The following CNTN5 variants were observed in gnomAD, a reference collection of about 807,000 sequenced individuals.
The protein encoded by CNTN5 is contactin 5, also known as contactin-5.
Under a neutral mutation model 129.1 loss-of-function variants are expected in CNTN5, and 77 were observed. The ratio of observed to expected loss-of-function variants is 0.60; its 90% CI spans 0.50 to 0.72. The LOEUF is 0.72. Ranked by LOEUF, CNTN5 falls within the 30% of genes least tolerant of loss-of-function variation. The pLI is 0.00. For missense variants in CNTN5, 1,478 were observed against 1,328.8 expected (o/e 1.11, Z -1.75); for synonymous variants, 509 against 465.6 (o/e 1.09, Z -1.20).
intron 1 of CNTN5, among the ~76,000 whole-genome samples, chr11:99,219,505 T>G (rs1860293309): frequency 6.6e-6 from 1 of 151,704 alleles, no homozygotes; most frequent in Admixed American, 6.6e-5. Flanking sequence ...AAGTTAGGAG[T>G]ATTCTTATTC....
intron 3 of CNTN5, among the ~76,000 whole-genome samples, chr11:99,598,711 AG>A (rs1003371868): frequency 2.0e-5 from 3 of 151,874 alleles, no homozygotes; most frequent in Admixed American, 2.0e-4. Flanking sequence ...TGAGGGAAGC[AG>A]GAAAGGGCAT....
At chr11:100,079,288 A>G (rs1246440096) in intron 13 of CNTN5, among the ~76,000 whole-genome samples, 2 of 152,186 alleles carry the variant, frequency 1.3e-5, no homozygotes, top group African/African-American at 2.4e-5. Flanking sequence ...AGTAGTCTGG[A>G]AATGCTTACC....
At chr11:99,971,486 T>G (rs1951251214) in intron 8 of CNTN5, among the ~76,000 whole-genome samples, 1 of 151,780 alleles carries the variant, frequency 6.6e-6, no homozygotes. Flanking sequence ...GAGGTTGCAG[T>G]GAGCTGAGAT....
intron 3 of CNTN5, among the ~76,000 whole-genome samples, chr11:99,675,685 C>T (rs568967933): frequency 8.9e-4 from 135 of 151,558 alleles, no homozygotes; most frequent in Non-Finnish European, 1.5e-3. Context: ...AACTCTGTCT[C>T]AAATAAAAAA....
At position 100,074,232 on chromosome 11, in the gene CNTN5, A is replaced by G; in HGVS notation, c.1518A>G (p.Gln506=). 6.2e-7 allele frequency: 1 copy of G among 1,611,564 alleles called. No homozygotes were observed. The highest frequency in any genetic ancestry group is 8.5e-7 in the Non-Finnish European group (1 of 1,178,608). ...AAGTTGTCATAGAGTGCAAACCCCA[A>G]GGCTCTCCAAAACCAACCATCTCTT... ...DQEVVIECKP[Q]GSPKPTISWK... is the part of the protein sequence containing the mutation. Residue 506 remains glutamine, a synonymous_variant, in exon 13 of 25, where the codon CAA becomes CAG. Coordinates refer to ENST00000524871, the MANE Select transcript of CNTN5 (RefSeq NM_014361.4).
At chr11:100,001,154 G>C (rs1442091169) in intron 8 of CNTN5, among the ~76,000 whole-genome samples, 1 of 152,154 alleles carries the variant, frequency 6.6e-6, no homozygotes, top group East Asian at 1.9e-4. Flanking sequence ...CAGAAAATGG[G>C]GTTTTTCTTT....
intron 3 of CNTN5, among the ~76,000 whole-genome samples, chr11:99,659,522 A>G (rs1952518739): frequency 6.6e-6 from 1 of 152,168 alleles, no homozygotes; most frequent in Non-Finnish European, 1.5e-5. Flanking sequence ...ATGTATATAG[A>G]CAGATTTATT....
intron 21 of CNTN5, among the ~76,000 whole-genome samples, chr11:100,340,040 A>C (rs566196634): frequency 6.6e-6 from 1 of 152,178 alleles, no homozygotes; most frequent in African/African-American, 2.4e-5. Context: ...ATTCATCTTT[A>C]TGTGAAGCTC....
chr11:99,901,818 A>G (rs1230224487), intron 6 of CNTN5, among the ~76,000 whole-genome samples: 1 of 152,218 alleles, frequency 6.6e-6, no homozygotes, highest in Non-Finnish European at 1.5e-5. Context: ...TGCTGGATAC[A>G]AGGATACATA....
intron 1 of CNTN5, among the ~76,000 whole-genome samples, chr11:99,216,345 T>C (rs4362106): frequency 0.75 from 113,969 of 151,846 alleles, 43,084 homozygotes; most frequent in East Asian, 0.99. Context: ...TTTTTTAGGG[T>C]AGAATAACAT....
intron 2 of CNTN5, among the ~76,000 whole-genome samples, chr11:99,442,531 A>G (rs776975792): frequency 7.2e-5 from 11 of 152,144 alleles, no homozygotes; most frequent in Non-Finnish European, 1.6e-4. Flanking sequence ...TGTGGAAATT[A>G]TGGGGACAGA....
intron 1 of CNTN5, among the ~76,000 whole-genome samples, chr11:99,253,374 A>T (rs1028045451): frequency 3.3e-5 from 5 of 152,102 alleles, no homozygotes; most frequent in Non-Finnish European, 2.9e-5. Flanking sequence ...TATTAGCAGC[A>T]TGGGAACAGA....
intron 3 of CNTN5, among the ~76,000 whole-genome samples, chr11:99,739,629 A>T (rs998055491): frequency 6.6e-6 from 1 of 152,112 alleles, no homozygotes; most frequent in Non-Finnish European, 1.5e-5. Flanking sequence ...GAGATGGGAG[A>T]AAAAACTAAA....
At chr11:99,794,743 A>T (rs1375996160) in intron 3 of CNTN5, among the ~76,000 whole-genome samples, 7 of 152,222 alleles carry the variant, frequency 4.6e-5, no homozygotes, top group African/African-American at 1.4e-4. Context: ...CATGCTGAAT[A>T]TAGGCTCCCT....
Position 99,926,487 on chromosome 11 carries a change from A to G in CNTN5, c.673+10338A>G, listed in dbSNP as rs542446386. Reference sequence around the variant, plus strand: ...AAAATTTCACAGAGGTAAAAACAAAATATTTTTGATGGTAGTTTTATTTAA... The same window carrying G: ...AAAATTTCACAGAGGTAAAAACAAAGTATTTTTGATGGTAGTTTTATTTAA... On this transcript the variant is annotated intron_variant, in intron 7 of 24. Coordinates refer to ENST00000524871, the MANE Select transcript of CNTN5 (RefSeq NM_014361.4). Among the ~76,000 whole-genome samples the G allele has an allele frequency of 4.1e-4, 63 of 152,242 alleles. 1 individual carries two copies. Among genetic ancestry groups the G allele is most frequent in the South Asian group, 4.1e-4 (2 of 4,828 alleles).
At chr11:99,722,207 A>T (rs1943195822) in intron 3 of CNTN5, among the ~76,000 whole-genome samples, 1 of 152,214 alleles carries the variant, frequency 6.6e-6, no homozygotes, top group Non-Finnish European at 1.5e-5. Flanking sequence ...TATTATTGAA[A>T]GTAGCAAAGA....
rs528615111 is a variant in CNTN5 at position 99,708,264 on chromosome 11, A to T, written c.56-111280A>T. On this transcript the variant is annotated intron_variant, in intron 3 of 24. Transcript: ENST00000524871. ...TTAAATTTTCAGACCTTTTAAGAAA[A>T]TAGATGTTAATGCTTTCTGTTGAGT... is the stretch of plus-strand genomic sequence containing the variant. Among the ~76,000 whole-genome samples, 25 of 151,900 alleles carry T rather than the reference A, an allele frequency of 1.6e-4. No homozygotes were observed. In the South Asian group the frequency reaches 5.2e-3, roughly 31 times the overall value.
intron 1 of CNTN5, among the ~76,000 whole-genome samples, chr11:99,026,622 G>GACA (rs1241975035): frequency 6.6e-6 from 1 of 151,516 alleles, no homozygotes; most frequent in Non-Finnish European, 1.5e-5. Flanking sequence ...AGGAAAAAGT[G>GACA]ACAGAATAAA....
At chr11:99,299,751 A>C (rs116835500) in intron 1 of CNTN5, among the ~76,000 whole-genome samples, 1 of 152,080 alleles carries the variant, frequency 6.6e-6, no homozygotes, top group Non-Finnish European at 1.5e-5. Flanking sequence ...GCTGCATAGT[A>C]TTCCATAGTG....
Sources: allele counts gnomAD v4.1 joint callset (sites outside exome capture counted in the v4.1 genomes callset), GRCh38; gene constraint gnomAD v4.1.1; transcripts MANE v1.5; gene names NCBI Gene and HGNC (gene_info 2026-07-23, HGNC 2026-07-21).